The following ARHGEF12 variants were observed in gnomAD, a reference collection of about 807,000 sequenced individuals.
The protein encoded by ARHGEF12 is Rho guanine nucleotide exchange factor 12.
In ARHGEF12, 66 loss-of-function variants were observed where a neutral mutation model predicts 211.2. The ratio of observed to expected loss-of-function variants is 0.31; its 90% confidence interval spans 0.26 to 0.38. The LOEUF is 0.38. Among genes scored for constraint, ARHGEF12 ranks in the 10% least tolerant of loss-of-function variants. ARHGEF12 has a pLI of 1.00. For missense variants in ARHGEF12, 1,429 were observed against 1,869.5 expected, an observed-to-expected ratio of 0.76 and a Z score of 4.34; for synonymous variants, 592 against 638.4, an observed-to-expected ratio of 0.93 and a Z score of 1.09.
chr11:120,418,146 C>CA (rs1217041365), intron 4 of ARHGEF12, among the ~76,000 whole-genome samples: 4 of 152,298 alleles, frequency 2.6e-5, no homozygotes, highest in Admixed American at 2.0e-4. Context: ...TATGCATACT[C>CA]ATGTAAACAT....
In ARHGEF12 at chr11:120,355,722, T is replaced by TA. The variant is rs1300723803; in HGVS notation, c.32+18454dup. Among the ~76,000 whole-genome samples, 18 of 152,182 alleles carry TA rather than the reference T, an allele frequency of 1.2e-4. No homozygotes were observed. The South Asian group carries it at 3.3e-3, about 28-fold the overall frequency. On this transcript the variant is annotated intron_variant, in intron 1 of 40. Coordinates refer to ENST00000397843, the MANE Select transcript of ARHGEF12 (RefSeq NM_015313.3). ...ACTCTGTCTCTTTAAAAATAAAAAA[T>TA]AAAAAAACCCAGATCTTTTTGACTC...
At chr11:120,420,126 A>T (rs894510000) in intron 4 of ARHGEF12, among the ~76,000 whole-genome samples, 6 of 152,186 alleles carry the variant, frequency 3.9e-5, no homozygotes, top group Admixed American at 3.9e-4. Flanking sequence ...CAGATTCTTT[A>T]TCTTTTCTAT....
chr11:120,353,894 C>T (rs1943062145), intron 1 of ARHGEF12, among the ~76,000 whole-genome samples: 1 of 152,144 alleles, frequency 6.6e-6, no homozygotes, highest in East Asian at 1.9e-4. Context: ...TCTCATACTG[C>T]AAAGGAAAAG....
chr11:120,407,164 C>A (rs1049807876), intron 2 of ARHGEF12, among the ~76,000 whole-genome samples: 4 of 152,034 alleles, frequency 2.6e-5, no homozygotes, highest in African/African-American at 9.7e-5. Context: ...GTCTTGTCAC[C>A]CAACCATTAT....
intron 1 of ARHGEF12, among the ~76,000 whole-genome samples, chr11:120,395,172 A>G (rs1944344672): frequency 6.6e-6 from 1 of 151,916 alleles, no homozygotes; most frequent in Non-Finnish European, 1.5e-5. Context: ...AACAATATAT[A>G]TACAATATGT....
At chr11:120,484,323 A>G in intron 39 of ARHGEF12, 115 bp from the exon 40 acceptor site, 1 of 795,298 alleles carries the variant, frequency 1.3e-6, no homozygotes, top group Non-Finnish European at 2.0e-6. Context: ...ATATTTTTGA[A>G]ATTTGGGGGC....
rs148506966 is a variant in ARHGEF12 at position 120,359,961 on chromosome 11, C to T, written c.32+22686C>T. ...TTTCTTGAATACCTGTGTGGGGAAC[C>T]AGAGAAAGATTGGTAGATAAATAAG... On this transcript the variant is annotated intron_variant, in intron 1 of 40. Coordinates refer to ENST00000397843, the MANE Select transcript of ARHGEF12 (RefSeq NM_015313.3). 8.2e-4 allele frequency among the ~76,000 whole-genome samples: 125 copies of T among 152,240 alleles called. 1 individual carries two copies. The East Asian group carries it at 0.017, about 20-fold the overall frequency.
rs779716977 is a variant in ARHGEF12 at position 120,428,176 on chromosome 11, A to T, written c.514A>T (p.Ile172Phe). The change falls in exon 8 of 41, where the codon ATC (isoleucine) becomes TTC (phenylalanine). Residue 172 changes from isoleucine to phenylalanine, a missense_variant. By Grantham distance (21) the Ile-to-Phe change is conservative. Coordinates refer to ENST00000397843, the MANE Select transcript of ARHGEF12 (RefSeq NM_015313.3). ...EPSVIGHMSP[I>F]MTSPHSPGAS... is the part of the protein sequence containing the mutation. ...GTCAGTCATTGGACATATGTCTCCC[A>T]TCATGACATCTCCTCATTCACCTGG... 3 of 1,611,890 alleles carry T rather than the reference A, an allele frequency of 1.9e-6. No individual in the cohort carries two copies. Among genetic ancestry groups the T allele is most frequent in the African/African-American group, 1.3e-5 (1 of 74,900 alleles).
chr11:120,354,557 T>C (rs1322912418), intron 1 of ARHGEF12, among the ~76,000 whole-genome samples: 4 of 152,234 alleles, frequency 2.6e-5, no homozygotes, highest in East Asian at 1.9e-4. Flanking sequence ...TTTTATCTTA[T>C]TAAATGGAGA....
chr11:120,475,677 A>G (rs946370524), intron 33 of ARHGEF12, among the ~76,000 whole-genome samples, 170 bp downstream of exon 33: 1 of 151,590 alleles, frequency 6.6e-6, no homozygotes, highest in Non-Finnish European at 1.5e-5. Context: ...TTTATACCCC[A>G]AAGTTATTAG....
intron 1 of ARHGEF12, among the ~76,000 whole-genome samples, chr11:120,383,194 C>T (rs527988940): frequency 1.7e-4 from 25 of 151,188 alleles, no homozygotes; most frequent in African/African-American, 5.8e-4. Flanking sequence ...GTGAAGGCAG[C>T]GTTTGGAGTG....
intron 1 of ARHGEF12, chr11:120,337,554 T>A (rs1186100915): frequency 2.0e-6 from 2 of 985,258 alleles, no homozygotes; most frequent in Admixed American, 1.2e-4. Context: ...GCATTAGGAT[T>A]GTGTACTCGT....
intron 21 of ARHGEF12, chr11:120,450,405 G>A (rs1946174590): frequency 1.3e-5 from 2 of 149,216 alleles, no homozygotes; most frequent in Admixed American, 1.3e-4. Context: ...ATATTGGCAT[G>A]GTAGAGTGGT....
chr11:120,456,308 A>G (rs760303843), intron 22 of ARHGEF12, among the ~76,000 whole-genome samples: 1 of 152,216 alleles, frequency 6.6e-6, no homozygotes, highest in Non-Finnish European at 1.5e-5. Context: ...ACCTAATCTG[A>G]CACAGAAGAG....
At chr11:120,484,049 C>G (rs1009086459) in intron 39 of ARHGEF12, among the ~76,000 whole-genome samples, 1 of 152,190 alleles carries the variant, frequency 6.6e-6, no homozygotes, top group Non-Finnish European at 1.5e-5. Context: ...GCCACCATGC[C>G]CCACCCATAA....
Position 120,440,216 on chromosome 11 carries a change from G to T in ARHGEF12, c.1087G>T (p.Glu363Ter). 1 of 1,611,642 alleles carries T rather than the reference G, an allele frequency of 6.2e-7. No homozygotes were observed. The highest frequency in any genetic ancestry group is 1.1e-5 in the South Asian group (1 of 90,708). The change falls in exon 13 of 41, where the codon GAA becomes TAA. Residue 363 changes from glutamate to a stop codon, truncating the protein, a stop_gained. Transcript: ENST00000397843. LOFTEE classifies it high-confidence loss of function. ...AGATGATGATTTTGGTACTGAACAT[G>T]AACAGGTGATGACTTTTTTCTTTCT... Reference protein sequence around the residue: ...AEDDDFGTEHEQINGQCSCFQ... With the variant: ...AEDDDFGTEH
intron 1 of ARHGEF12, among the ~76,000 whole-genome samples, chr11:120,368,422 C>T (rs760279370): frequency 1.3e-5 from 2 of 152,188 alleles, no homozygotes; most frequent in African/African-American, 4.8e-5. Context: ...GGATTACAGA[C>T]GTGAGCCACC....
intron 1 of ARHGEF12, among the ~76,000 whole-genome samples, chr11:120,343,673 A>G (rs1015221991): frequency 1.3e-4 from 20 of 152,210 alleles, no homozygotes; most frequent in Non-Finnish European, 1.9e-4. Context: ...AGAGACAAGC[A>G]AATCTACTGG....
chr11:120,429,566 G>A (rs1565474801), intron 9 of ARHGEF12, 49 bp downstream of exon 9: 1 of 1,590,296 alleles, frequency 6.3e-7, no homozygotes. Flanking sequence ...AAATGTGAGT[G>A]GGCATGGTTG....
Sources: allele counts gnomAD v4.1 joint callset (sites outside exome capture counted in the v4.1 genomes callset), GRCh38; gene constraint gnomAD v4.1.1; transcripts MANE v1.5; gene names NCBI Gene and HGNC (gene_info 2026-07-23, HGNC 2026-07-21).